PXDC1: variants seen among roughly 807,000 people sequenced by gnomAD.
The protein encoded by PXDC1 is PX domain containing 1, also known as PX domain-containing protein 1.
A neutral mutation model predicts 24.4 loss-of-function variants in PXDC1; 13 were observed. The observed-to-expected ratio is 0.53, with a 90% CI of 0.35 to 0.85. PXDC1 has a LOEUF of 0.85. Ranked by LOEUF, PXDC1 falls within the 40% of genes least tolerant of loss-of-function variation. The pLI is 0.01. For missense variants in PXDC1, 344 were observed against 309.3 expected (o/e 1.11, Z -0.84); for synonymous variants, 162 against 124.9 (o/e 1.30, Z -1.98).
chr6:3,738,077 T>C lies in PXDC1; in HGVS notation c.328A>G (p.Ile110Val), dbSNP rs1396714636. 2 of 1,613,868 alleles carry C rather than the reference T, an allele frequency of 1.2e-6. No individual in the cohort carries two copies. The highest frequency in any genetic ancestry group is 1.3e-5 in the African/African-American group (1 of 74,876). Reference protein sequence around the residue: ...LNEVEKLLKTIISMPCKYSRS... With the variant: ...LNEVEKLLKTVISMPCKYSRS... ...CTCACTTTACAGGGCATGCTTATGA[T>C]CGTCTTCAGCAGCTTCTCCACCTCA... The change falls in exon 2 of 5, where the codon ATC becomes GTC. Residue 110 changes from isoleucine to valine, a missense_variant. By Grantham distance (29) the Ile-to-Val change is conservative. Transcript: ENST00000380283.
chr6:3,735,004 G>A (rs554355670), intron 3 of PXDC1, among the ~76,000 whole-genome samples: 1 of 152,232 alleles, frequency 6.6e-6, no homozygotes, highest in African/African-American at 2.4e-5. Flanking sequence ...AGGATCACTT[G>A]AGCTGTAACT....
Position 3,728,514 on chromosome 6 carries a change from GA to G in PXDC1, c.467-853del, listed in dbSNP as rs1454117230. On this transcript the variant is annotated intron_variant, in intron 3 of 4. Coordinates refer to ENST00000380283, the MANE Select transcript of PXDC1 (RefSeq NM_183373.4). This position sits in a 1 kb window ranked among gnomAD's most constrained non-coding sequence, Gnocchi z 4.0. Reference sequence around the variant, plus strand: ...CGGGTAATTTAGAAAAGCCAGCAAAGAAAAACGACTTCCTACGTCCATACTG... The same window carrying G: ...CGGGTAATTTAGAAAAGCCAGCAAAGAAAACGACTTCCTACGTCCATACTG... 6.6e-6 allele frequency among the ~76,000 whole-genome samples: 1 copy of G among 152,072 alleles called. No homozygotes were observed. The highest frequency in any genetic ancestry group is 1.5e-5 in the Non-Finnish European group (1 of 67,998).
At chr6:3,730,657 A>C (rs1760174507) in intron 3 of PXDC1, among the ~76,000 whole-genome samples, 6 of 152,140 alleles carry the variant, frequency 3.9e-5, no homozygotes, top group Admixed American at 3.9e-4. Flanking sequence ...ATGGGAGTTG[A>C]CCTCCCAGGT....
At chr6:3,744,376 C>T (rs1323627450) in intron 1 of PXDC1, among the ~76,000 whole-genome samples, 2 of 152,220 alleles carry the variant, frequency 1.3e-5, no homozygotes, top group Non-Finnish European at 2.9e-5. Context: ...GGAGGGCCAA[C>T]AGGAGGCAAA....
intron 1 of PXDC1, among the ~76,000 whole-genome samples, chr6:3,745,345 G>A (rs113918738): frequency 0.025 from 3,884 of 152,324 alleles, 176 homozygotes; most frequent in African/African-American, 0.089. Flanking sequence ...AAGAGCAAAT[G>A]GTCCCAAAGC....
chr6:3,733,405 C>T (rs1760245270), intron 3 of PXDC1, among the ~76,000 whole-genome samples: 1 of 152,206 alleles, frequency 6.6e-6, no homozygotes, highest in Admixed American at 6.5e-5. Context: ...CATTAAAAAA[C>T]ACTCCTGAAG....
intron 3 of PXDC1, among the ~76,000 whole-genome samples, chr6:3,727,936 C>T (rs375033281): frequency 5.9e-4 from 90 of 152,252 alleles, no homozygotes; most frequent in African/African-American, 2.0e-3. Flanking sequence ...ATATGCCCTT[C>T]GCTGTGGGCT....
intron 1 of PXDC1, chr6:3,739,194 T>G (rs1266915162): frequency 2.8e-6 from 3 of 1,057,062 alleles, no homozygotes; most frequent in Non-Finnish European, 3.5e-6. Context: ...TTTCTTAAAC[T>G]TCCTGACTGA....
At chr6:3,744,816 G>C (rs1760528709) in intron 1 of PXDC1, among the ~76,000 whole-genome samples, 1 of 152,228 alleles carries the variant, frequency 6.6e-6, no homozygotes, top group South Asian at 2.1e-4. Flanking sequence ...TCCTGCCTTA[G>C]CCTCCCGAGC....
intron 3 of PXDC1, among the ~76,000 whole-genome samples, chr6:3,733,398 T>TA (rs1760245180): frequency 1.3e-5 from 2 of 152,228 alleles, no homozygotes; most frequent in South Asian, 4.2e-4. Context: ...GTAATTTCAT[T>TA]AAAAAACACT....
chr6:3,723,830 C>A lies in PXDC1; in HGVS notation c.579-94G>T. 3 of 941,510 alleles carry A rather than the reference C, an allele frequency of 3.2e-6. No homozygotes were observed. In the Admixed American group the frequency reaches 5.7e-5, roughly 18 times the overall value. The allele number at this position is 941,510 out of a possible 1,614,324, so 58.3% of individuals were successfully genotyped here. ...CCATGAGCATGACTTTCAATGCCCGCTAGTAAGTGTGCAAAAAAACCACGG... is the reference window on the plus strand; with the variant it reads ...CCATGAGCATGACTTTCAATGCCCGATAGTAAGTGTGCAAAAAAACCACGG... On this transcript the variant is annotated intron_variant, in intron 4 of 4. Transcript: ENST00000380283.
At chr6:3,735,473 C>A (rs1760293670) in intron 3 of PXDC1, among the ~76,000 whole-genome samples, 1 of 152,192 alleles carries the variant, frequency 6.6e-6, no homozygotes, top group Non-Finnish European at 1.5e-5. Flanking sequence ...CATGAATGAG[C>A]CTGCAGGCAT....
At chr6:3,743,948 C>T (rs1760506588) in intron 1 of PXDC1, among the ~76,000 whole-genome samples, 1 of 152,176 alleles carries the variant, frequency 6.6e-6, no homozygotes, top group African/African-American at 2.4e-5. Flanking sequence ...AAACAGAACA[C>T]CCGGAGGACC....
At chr6:3,740,793 G>A (rs562656073) in intron 1 of PXDC1, among the ~76,000 whole-genome samples, 39 of 152,342 alleles carry the variant, frequency 2.6e-4, no homozygotes, top group African/African-American at 8.7e-4. Context: ...TGTGATGATG[G>A]GACTGGCTCC....
intron 1 of PXDC1, among the ~76,000 whole-genome samples, chr6:3,740,968 C>T (rs1005952801): frequency 1.3e-5 from 2 of 152,288 alleles, no homozygotes; most frequent in African/African-American, 4.8e-5. Context: ...GTGCCTGGCC[C>T]ATGCCAGGGA....
intron 4 of PXDC1, among the ~76,000 whole-genome samples, chr6:3,726,352 A>G (rs1187289403): frequency 2.0e-5 from 3 of 152,250 alleles, no homozygotes; most frequent in Non-Finnish European, 4.4e-5. Flanking sequence ...AGCTATGTAC[A>G]GTGGGGTCAG....
At chr6:3,727,456 C>T in intron 4 of PXDC1, 95 bp downstream of exon 4, 3 of 815,720 alleles carry the variant, frequency 3.7e-6, no homozygotes, top group South Asian at 3.5e-5. Flanking sequence ...TGGCTCTGGG[C>T]ACCCACTTCC....
intron 1 of PXDC1, chr6:3,750,994 C>A: frequency 2.4e-6 from 1 of 415,412 alleles, no homozygotes; most frequent in Non-Finnish European, 4.3e-6. Flanking sequence ...AGTGACTCGT[C>A]CTCAGGGAGA....
chr6:3,729,991 T>C (rs577402195), intron 3 of PXDC1, among the ~76,000 whole-genome samples: 1 of 152,308 alleles, frequency 6.6e-6, no homozygotes, highest in East Asian at 1.9e-4. Flanking sequence ...CCCCAAAAAA[T>C]AGATTTGTAA....
Sources: gnomAD v4.1 joint callset for allele counts (sites outside exome capture counted in the v4.1 genomes callset) on GRCh38, gnomAD v4.1.1 for gene constraint, Gnocchi (gnomAD v3.1) non-coding constraint, MANE v1.5 for transcripts, NCBI Gene and HGNC (gene_info 2026-07-23, HGNC 2026-07-21) for gene names.